NKAIN2: variants seen among roughly 807,000 people sequenced by gnomAD.
NKAIN2 encodes sodium/potassium transporting ATPase interacting 2.
In NKAIN2, 14 loss-of-function variants were observed where a neutral mutation model predicts 32.6. That is an observed-to-expected ratio of 0.43 (90% CI 0.28 to 0.67). The LOEUF is 0.67. Among genes scored for constraint, NKAIN2 ranks in the 30% least tolerant of loss-of-function variants. The pLI is 0.17. For missense variants in NKAIN2, 198 were observed against 258.3 expected (o/e 0.77, Z 1.60); for synonymous variants, 80 against 87.2 (o/e 0.92, Z 0.46).
At chr6:124,454,131 T>G (rs754202825) in intron 3 of NKAIN2, among the ~76,000 whole-genome samples, 22 of 151,644 alleles carry the variant, frequency 1.5e-4, no homozygotes, top group Non-Finnish European at 2.7e-4. Flanking sequence ...CTGGTTTATT[T>G]GCTTTTGTGT....
intron 1 of NKAIN2, among the ~76,000 whole-genome samples, chr6:124,272,353 A>G (rs1409204648): frequency 6.6e-6 from 1 of 152,174 alleles, no homozygotes. Context: ...AGCCATGGCT[A>G]AAAGGGACCA....
At chr6:124,389,661 C>A (rs1413334827) in intron 3 of NKAIN2, among the ~76,000 whole-genome samples, 4 of 150,948 alleles carry the variant, frequency 2.6e-5, no homozygotes, top group Non-Finnish European at 4.4e-5. Context: ...ACTGTTAGAT[C>A]CTCACCCTCT....
chr6:124,041,976 C>T (rs2114811559), intron 1 of NKAIN2, among the ~76,000 whole-genome samples: 1 of 152,128 alleles, frequency 6.6e-6, no homozygotes. Context: ...GGGGGACAAA[C>T]TGATATAGTG....
At chr6:124,037,335 T>C (rs1294968969) in intron 1 of NKAIN2, among the ~76,000 whole-genome samples, 1 of 152,186 alleles carries the variant, frequency 6.6e-6, no homozygotes, top group African/African-American at 2.4e-5. Flanking sequence ...ACATCTGACA[T>C]GGAAAGACTT....
intron 3 of NKAIN2, among the ~76,000 whole-genome samples, chr6:124,436,153 C>G (rs913092552): frequency 6.6e-6 from 1 of 152,148 alleles, no homozygotes; most frequent in Non-Finnish European, 1.5e-5. Context: ...ATTTGGTACA[C>G]TGATGGAAAT....
At position 124,257,982 on chromosome 6, in the gene NKAIN2, T is replaced by C. The variant is rs935401645; in HGVS notation, c.55-25023T>C. On this transcript the variant is annotated intron_variant, in intron 1 of 6. Transcript: ENST00000368417. ...TTTTAGTAGAGACGGGGTTTCACCA[T>C]GTTGGCCAGGCTGGTCTCAAACTCC... Among the ~76,000 whole-genome samples, 6 of 151,928 alleles carry C rather than the reference T, an allele frequency of 3.9e-5. No homozygotes were observed. The East Asian group carries it at 7.7e-4, about 20-fold the overall frequency.
At chr6:124,393,978 A>G (rs1352750232) in intron 3 of NKAIN2, among the ~76,000 whole-genome samples, 1 of 152,190 alleles carries the variant, frequency 6.6e-6, no homozygotes, top group Non-Finnish European at 1.5e-5. Flanking sequence ...CAGCAAAGAA[A>G]GAGTTGAATC....
intron 4 of NKAIN2, among the ~76,000 whole-genome samples, chr6:124,719,025 A>G (rs1208432322): frequency 6.6e-6 from 1 of 152,210 alleles, no homozygotes; most frequent in African/African-American, 2.4e-5. Context: ...AATAATACTT[A>G]TGAGTTTAAA....
At chr6:124,273,152 A>G (rs2114885031) in intron 1 of NKAIN2, among the ~76,000 whole-genome samples, 1 of 152,256 alleles carries the variant, frequency 6.6e-6, no homozygotes, top group Non-Finnish European at 1.5e-5. Flanking sequence ...TGAAAGGGAC[A>G]TGAGATTTGG....
chr6:124,722,592 A>G (rs1465816552), intron 4 of NKAIN2, among the ~76,000 whole-genome samples: 1 of 152,176 alleles, frequency 6.6e-6, no homozygotes, highest in Non-Finnish European at 1.5e-5. Context: ...CTGTGCTCCT[A>G]TGAGAACCTA....
chr6:123,965,887 A>G (rs1778053151), intron 1 of NKAIN2, among the ~76,000 whole-genome samples: 1 of 152,154 alleles, frequency 6.6e-6, no homozygotes, highest in African/African-American at 2.4e-5. Context: ...CAGTCTAATT[A>G]ATTAGAGGGA....
intron 4 of NKAIN2, among the ~76,000 whole-genome samples, chr6:124,779,521 A>T (rs1284906208): frequency 1.3e-5 from 2 of 152,194 alleles, no homozygotes; most frequent in African/African-American, 4.8e-5. Flanking sequence ...CAGATGAGTA[A>T]GTAAATAAAT....
chr6:124,126,904 A>G (rs553768287), intron 1 of NKAIN2, among the ~76,000 whole-genome samples: 1 of 152,286 alleles, frequency 6.6e-6, no homozygotes, highest in African/African-American at 2.4e-5. Flanking sequence ...GCAGTGAGCC[A>G]TGCCACTGCA....
intron 3 of NKAIN2, among the ~76,000 whole-genome samples, chr6:124,394,943 G>A (rs542338737): frequency 3.9e-5 from 6 of 152,146 alleles, no homozygotes; most frequent in East Asian, 1.9e-4. Flanking sequence ...TTGGCCATGC[G>A]GTGAAGGCAT....
At chr6:124,177,308 G>A (rs565084969) in intron 1 of NKAIN2, among the ~76,000 whole-genome samples, 1 of 152,238 alleles carries the variant, frequency 6.6e-6, no homozygotes, top group Admixed American at 6.5e-5. Context: ...TTTATAAGGG[G>A]AAAACAGATA....
intron 1 of NKAIN2, among the ~76,000 whole-genome samples, chr6:124,276,050 A>T (rs772091561): frequency 4.6e-5 from 7 of 152,070 alleles, no homozygotes; most frequent in Non-Finnish European, 1.0e-4. Context: ...TGAAGTCTGA[A>T]CCACCATGAT....
intron 2 of NKAIN2, among the ~76,000 whole-genome samples, chr6:124,314,691 C>A (rs1413865404): frequency 2.6e-5 from 4 of 152,152 alleles, no homozygotes; most frequent in Non-Finnish European, 5.9e-5. Context: ...AAGGGTTCAG[C>A]CTACGATGAG....
intron 1 of NKAIN2, among the ~76,000 whole-genome samples, chr6:124,044,756 T>C (rs1052326852): frequency 6.6e-6 from 1 of 152,106 alleles, no homozygotes; most frequent in Admixed American, 6.6e-5. Flanking sequence ...GGCAGACTAC[T>C]AACCTTTCTT....
At chr6:124,783,907 A>G (rs1388514193) in intron 4 of NKAIN2, among the ~76,000 whole-genome samples, 1 of 152,178 alleles carries the variant, frequency 6.6e-6, no homozygotes, top group Non-Finnish European at 1.5e-5. Context: ...TGAATTCAGA[A>G]CAAAATTGGA....
Sources: gnomAD v4.1 joint callset for allele counts (sites outside exome capture counted in the v4.1 genomes callset) on GRCh38, gnomAD v4.1.1 for gene constraint, MANE v1.5 for transcripts, NCBI Gene and HGNC (gene_info 2026-07-23, HGNC 2026-07-21) for gene names.